Variants in ALKBH3 observed in about 807,000 individuals in gnomAD.
ALKBH3 encodes the protein alpha-ketoglutarate-dependent dioxygenase alkB homolog 3.
Under a neutral mutation model 43.9 loss-of-function variants are expected in ALKBH3, and 51 were observed. The ratio of observed to expected loss-of-function variants is 1.16; its 90% CI spans 0.93 to 1.47. The LOEUF (loss-of-function observed/expected upper bound fraction) is 1.47, where lower values mean the gene tolerates loss of function less well. ALKBH3 is among the 40% of genes most tolerant of loss of function. ALKBH3 has a pLI of 0.00. For synonymous variants in ALKBH3, 102 were observed against 115.2 expected, an observed-to-expected ratio of 0.89 and a Z score of 0.73; for missense variants, 361 against 351.9, an observed-to-expected ratio of 1.03 and a Z score of -0.21.
intron 4 of ALKBH3, 47 bp downstream of exon 4, chr11:43,884,064 A>C: frequency 1.2e-6 from 2 of 1,606,656 alleles, no homozygotes; most frequent in Non-Finnish European, 1.7e-6. Context: ...CAGTGAAATG[A>C]AGAGCCTGGA....
chr11:43,890,588 G>A (rs922595261), intron 6 of ALKBH3, among the ~76,000 whole-genome samples: 1 of 152,124 alleles, frequency 6.6e-6, no homozygotes, highest in African/African-American at 2.4e-5. Context: ...CATAGTGGCT[G>A]GGCGTGGTGG....
intron 7 of ALKBH3, among the ~76,000 whole-genome samples, chr11:43,893,077 A>T (rs1375045096): frequency 1.3e-5 from 2 of 152,234 alleles, no homozygotes; most frequent in Non-Finnish European, 2.9e-5. Context: ...TGTTTCTGTC[A>T]GAGTTAATTT....
intron 8 of ALKBH3, among the ~76,000 whole-genome samples, chr11:43,907,584 C>T (rs1202035246): frequency 6.6e-6 from 1 of 152,128 alleles, no homozygotes; most frequent in African/African-American, 2.4e-5. Flanking sequence ...CTCTTAAGGA[C>T]TATTCCTAAG....
chr11:43,911,972 A>T (rs1372807938), intron 8 of ALKBH3, among the ~76,000 whole-genome samples: 1 of 152,022 alleles, frequency 6.6e-6, no homozygotes, highest in Non-Finnish European at 1.5e-5. Context: ...AATACAAAAA[A>T]AATAGGCAGG....
rs568426846 is a variant in ALKBH3, at chr11:43,888,223, C to G, written c.267-1502C>G. Among the ~76,000 whole-genome samples, 3 of 91,038 alleles carry G rather than the reference C, an allele frequency of 3.3e-5. 1 individual carries two copies. Among genetic ancestry groups the G allele is most frequent in the African/African-American group, 1.0e-4 (3 of 28,996 alleles). The allele number at this position is 91,038 out of a possible 152,430, so 59.7% of individuals were successfully genotyped here. A position where few individuals can be genotyped will look rare whatever the true frequency, so the allele number is the denominator to read the frequency against. On this transcript the variant is annotated intron_variant, in intron 5 of 9. Coordinates refer to ENST00000302708, the MANE Select transcript of ALKBH3 (RefSeq NM_139178.4). ...CCCTCCCACTTCAGCCTCCGAGTAGCTGGGATTACAGGTGTGCGCCACCAC... is the reference window on the plus strand; with the variant it reads ...CCCTCCCACTTCAGCCTCCGAGTAGGTGGGATTACAGGTGTGCGCCACCAC...
At position 43,880,979 on chromosome 11, in the gene ALKBH3, A is replaced by T. The variant is rs1951706860; in HGVS notation, c.-271A>T. 6.6e-6 allele frequency: 1 copy of T among 152,292 alleles called. No individual in the cohort carries two copies. Among genetic ancestry groups the T allele is most frequent in the South Asian group, 2.1e-4 (1 of 4,838 alleles). 9.4% of individuals were successfully genotyped at this position (152,292 alleles called of 1,614,324 possible). ...CTGGGTGCGCGGGGCTGGGGGTGCG[A>T]GTACCACCCCTGAAGTCTCTTCCTG... On this transcript the variant is annotated 5_prime_UTR_variant, in exon 1 of 10. Coordinates refer to ENST00000302708, the MANE Select transcript of ALKBH3 (RefSeq NM_139178.4).
At chr11:43,881,393 A>G (rs1227750623) in intron 1 of ALKBH3, 1 of 152,272 alleles carries the variant, frequency 6.6e-6, no homozygotes, top group African/African-American at 2.4e-5. Flanking sequence ...ATCTATTTTC[A>G]ACAATTGTTC....
intron 6 of ALKBH3, among the ~76,000 whole-genome samples, chr11:43,890,644 T>C (rs1951777398): frequency 6.6e-6 from 1 of 152,040 alleles, no homozygotes; most frequent in African/African-American, 2.4e-5. Context: ...GGCAGGTGGA[T>C]CATGAGGTCA....
intron 7 of ALKBH3, chr11:43,897,926 A>G (rs1951830854): frequency 2.6e-6 from 2 of 782,812 alleles, no homozygotes; most frequent in African/African-American, 3.4e-5. Context: ...ATTATTGAAT[A>G]CTACCTTCGC....
intron 7 of ALKBH3, among the ~76,000 whole-genome samples, chr11:43,896,300 C>T (rs982583557): frequency 5.5e-5 from 8 of 144,580 alleles, no homozygotes; most frequent in Admixed American, 2.8e-4. Flanking sequence ...CACACACACA[C>T]GTATATATAT....
chr11:43,882,226 C>T (rs1216193812), intron 1 of ALKBH3, among the ~76,000 whole-genome samples: 2 of 152,126 alleles, frequency 1.3e-5, no homozygotes, highest in African/African-American at 4.8e-5. Flanking sequence ...CAGTCTTAGC[C>T]GATTTCTCAA....
intron 7 of ALKBH3, among the ~76,000 whole-genome samples, chr11:43,900,648 C>A (rs1027767290): frequency 2.6e-5 from 4 of 152,168 alleles, no homozygotes; most frequent in African/African-American, 9.7e-5. Flanking sequence ...AATAATTTCT[C>A]ATGTAAAATT....
At chr11:43,884,962 C>T (rs919357985) in intron 4 of ALKBH3, among the ~76,000 whole-genome samples, 1 of 151,960 alleles carries the variant, frequency 6.6e-6, no homozygotes, top group Non-Finnish European at 1.5e-5. Flanking sequence ...CCCTATGTTG[C>T]CTGGGCTGGT....
intron 8 of ALKBH3, among the ~76,000 whole-genome samples, chr11:43,902,544 A>G (rs1951870287): frequency 6.6e-6 from 1 of 152,172 alleles, no homozygotes; most frequent in Non-Finnish European, 1.5e-5. Context: ...TTCAGCTTAT[A>G]ATGTTAAACC....
chr11:43,920,136 C>A lies in ALKBH3; in HGVS notation c.*126C>A, dbSNP rs1442057150. The A allele has an allele frequency of 5.7e-6, 5 of 875,596 alleles. No individual in the cohort carries two copies. The highest frequency in any genetic ancestry group is 1.7e-5 in the African/African-American group (1 of 59,546). 54.2% of individuals were successfully genotyped at this position (875,596 alleles called of 1,614,324 possible). ...TTGGGAAGATGGTGGGGTTTGTTTG[C>A]CAGCTTGGAGTCCTATTAAATGAAA... On this transcript the variant is annotated 3_prime_UTR_variant, in exon 10 of 10. Transcript: ENST00000302708.
In ALKBH3 at chr11:43,901,482, C is replaced by G. The variant is rs370709970; in HGVS notation, c.460-34C>G. On this transcript the variant is annotated intron_variant, in intron 7 of 9. Transcript: ENST00000302708. ...GGCTGTCATTTTGTGTGTAATGCGA[C>G]TGTCTTGCCCTTTTCTTGGTCTGTG... 12 of 1,607,858 alleles carry G rather than the reference C, an allele frequency of 7.5e-6. No homozygotes were observed. In the African/African-American group the frequency reaches 8.0e-5, roughly 11 times the overall value.
intron 7 of ALKBH3, chr11:43,898,204 C>T (rs1008612174): frequency 1.1e-5 from 13 of 1,160,454 alleles, no homozygotes; most frequent in Admixed American, 1.7e-5. Flanking sequence ...GGAGAGCTGT[C>T]TCATTAGACT....
At chr11:43,916,849 G>C (rs1284674036) in intron 8 of ALKBH3, 2 of 152,222 alleles carry the variant, frequency 1.3e-5, no homozygotes, top group Non-Finnish European at 2.9e-5. Flanking sequence ...CTCTGGCCTC[G>C]AGGGAAGGAT....
chr11:43,891,533 A>C (rs1410645907), intron 6 of ALKBH3, among the ~76,000 whole-genome samples: 1 of 152,232 alleles, frequency 6.6e-6, no homozygotes, highest in African/African-American at 2.4e-5. Flanking sequence ...AAATTGGAAC[A>C]TCAAAGCCTT....
Sources: allele counts gnomAD v4.1 joint callset (sites outside exome capture counted in the v4.1 genomes callset), GRCh38; gene constraint gnomAD v4.1.1; transcripts MANE v1.5; gene names NCBI Gene and HGNC (gene_info 2026-07-23, HGNC 2026-07-21).